Variants in SEC31B observed in about 807,000 individuals in gnomAD.
The protein encoded by SEC31B is SEC31 homolog B, COPII component, also known as protein transport protein Sec31B.
SEC31B carries 113 observed loss-of-function variants against 135.0 expected under a neutral mutation model. The observed-to-expected ratio is 0.84, with a 90% CI of 0.72 to 0.98. The LOEUF (loss-of-function observed/expected upper bound fraction) is 0.98, where lower values mean the gene tolerates loss of function less well. Ranked by LOEUF, SEC31B falls within the 50% of genes least tolerant of loss-of-function variation. SEC31B has a pLI of 0.00. For missense variants in SEC31B, 1,296 were observed against 1,421.1 expected, an observed-to-expected ratio of 0.91 and a Z score of 1.42; for synonymous variants, 508 against 549.4, an observed-to-expected ratio of 0.92 and a Z score of 1.05.
chr10:100,503,267 A>G (rs1457735623), intron 10 of SEC31B, among the ~76,000 whole-genome samples: 1 of 152,038 alleles, frequency 6.6e-6, no homozygotes, highest in Non-Finnish European at 1.5e-5. Context: ...AACCCTTTTT[A>G]CTCCAGCAGT....
intron 3 of SEC31B, among the ~76,000 whole-genome samples, chr10:100,510,133 C>G (rs1483645719): frequency 6.6e-6 from 1 of 152,232 alleles, no homozygotes; most frequent in Non-Finnish European, 1.5e-5. Flanking sequence ...TATTCCAGAG[C>G]CTGAGCTCTT....
At chr10:100,506,444 C>T in intron 7 of SEC31B, 24 bp from the exon 8 acceptor site, 2 of 1,611,250 alleles carry the variant, frequency 1.2e-6, no homozygotes, top group African/African-American at 1.3e-5. Flanking sequence ...GGAAGAGGAA[C>T]TAGCATTTGT....
chr10:100,507,815 A>G, intron 6 of SEC31B, 93 bp downstream of exon 6: 1 of 1,551,998 alleles, frequency 6.4e-7, no homozygotes, highest in Non-Finnish European at 8.9e-7. Context: ...GACAGCTGAA[A>G]GCAGGACTCT....
chr10:100,505,267 A>C, intron 10 of SEC31B, 94 bp downstream of exon 10: 1 of 1,498,360 alleles, frequency 6.7e-7, no homozygotes, highest in Non-Finnish European at 9.0e-7. Flanking sequence ...TACAAAACTT[A>C]GCTCCATGCT....
intron 11 of SEC31B, among the ~76,000 whole-genome samples, chr10:100,500,460 G>A (rs1451355428): frequency 2.6e-5 from 4 of 151,890 alleles, no homozygotes; most frequent in Admixed American, 1.3e-4. Context: ...AATTACAGGC[G>A]CCCTCAACCA....
intron 19 of SEC31B, among the ~76,000 whole-genome samples, chr10:100,494,018 G>GGAAAGGGAGGGAA (rs1554841086): frequency 2.0e-5 from 3 of 151,468 alleles, no homozygotes; most frequent in African/African-American, 7.3e-5. Flanking sequence ...AAGGGAGGGA[G>GGAAAGGGAGGGAA]GAAAGGGAGG....
intron 3 of SEC31B, among the ~76,000 whole-genome samples, chr10:100,514,556 T>TA (rs1193831818): frequency 0.011 from 1,460 of 135,170 alleles, 19 homozygotes; most frequent in African/African-American, 0.032. Context: ...CAAAGAGATG[T>TA]AAAAAAAAAA....
intron 24 of SEC31B, 61 bp downstream of exon 24, chr10:100,488,797 G>GACC: frequency 6.6e-7 from 1 of 1,512,420 alleles, no homozygotes; most frequent in African/African-American, 1.4e-5. Flanking sequence ...GTCCACAGCT[G>GACC]AGGGGTCCTG....
At chr10:100,494,236 C>T (rs1851361333) in intron 19 of SEC31B, among the ~76,000 whole-genome samples, 1 of 152,162 alleles carries the variant, frequency 6.6e-6, no homozygotes, top group Non-Finnish European at 1.5e-5. Flanking sequence ...CCCAACCACA[C>T]ACACACCTCT....
chr10:100,509,941 T>A (rs1191807654), intron 3 of SEC31B, among the ~76,000 whole-genome samples: 1 of 152,210 alleles, frequency 6.6e-6, no homozygotes, highest in African/African-American at 2.4e-5. Context: ...GTGCTCTAGG[T>A]GTATTAGCTG....
chr10:100,507,911 G>A lies in SEC31B; in HGVS notation c.636C>T (p.Asn212=). The A allele has an allele frequency of 6.2e-7, 1 of 1,614,198 alleles. No homozygotes were observed. The highest frequency in any genetic ancestry group is 8.5e-7 in the Non-Finnish European group (1 of 1,180,034). The change falls in exon 6 of 26, where the codon AAC becomes AAT. Residue 212 remains asparagine, a synonymous_variant. Coordinates refer to ENST00000370345, the MANE Select transcript of SEC31B (RefSeq NM_015490.4). The part of the protein sequence containing the change: ...EPIIKVSDHS[N]RMHCSGLAWH... Reference sequence around the variant, plus strand: ...TGTTCTGGCCTCCAATACTCACCCTGTTGCTGTGATCACTGACTTTGATGA... The same window carrying A: ...TGTTCTGGCCTCCAATACTCACCCTATTGCTGTGATCACTGACTTTGATGA...
chr10:100,506,293 C>T lies in SEC31B; in HGVS notation c.882+28G>A, dbSNP rs368998416. Reference sequence around the variant, plus strand: ...TTCTTCTACCCTCTCTCTCCCATCCCAGCATGCCCACAGAAGGGCCAGCCT... The same window carrying T: ...TTCTTCTACCCTCTCTCTCCCATCCTAGCATGCCCACAGAAGGGCCAGCCT... On this transcript the variant is annotated intron_variant, in intron 8 of 25. Coordinates refer to ENST00000370345, the MANE Select transcript of SEC31B (RefSeq NM_015490.4). 9 of 1,614,036 alleles carry T rather than the reference C, an allele frequency of 5.6e-6. No homozygotes were observed. The African/African-American group carries it at 1.2e-4, about 22-fold the overall frequency.
intron 5 of SEC31B, chr10:100,508,672 G>C: frequency 2.4e-6 from 1 of 415,792 alleles, no homozygotes. Context: ...TCTTTGCTGG[G>C]CCCAATGCCC....
chr10:100,505,304 A>G (rs1341300849), intron 10 of SEC31B, 57 bp downstream of exon 10: 22 of 1,521,680 alleles, frequency 1.4e-5, no homozygotes, highest in Admixed American at 1.9e-5. Context: ...TCACAAACAC[A>G]CACACACACA....
intron 17 of SEC31B, 54 bp from the exon 18 acceptor site, chr10:100,496,485 C>CT (rs1851411806): frequency 1.9e-6 from 3 of 1,584,916 alleles, no homozygotes; most frequent in Non-Finnish European, 1.7e-6. Flanking sequence ...ATCCTGCTCT[C>CT]TAAGTCCACG....
chr10:100,511,706 C>A (rs1316856950), intron 3 of SEC31B, among the ~76,000 whole-genome samples: 1 of 151,700 alleles, frequency 6.6e-6, no homozygotes, highest in Admixed American at 6.6e-5. Flanking sequence ...AGATTCTTTT[C>A]AAAAAAAATC....
At chr10:100,495,659 T>TTTG (rs904490114) in intron 18 of SEC31B, 113 bp from the exon 19 acceptor site, 22 of 1,084,364 alleles carry the variant, frequency 2.0e-5, no homozygotes, top group East Asian at 5.1e-5. Context: ...CCTGTGTTAT[T>TTTG]TTGTTGTTGT....
Position 100,490,791 on chromosome 10 carries a change from A to T in SEC31B, c.2565T>A (p.Gly855=), listed in dbSNP as rs995598553. 6.2e-7 allele frequency: 1 copy of T among 1,611,230 alleles called. No individual in the cohort carries two copies. The highest frequency in any genetic ancestry group is 1.3e-5 in the African/African-American group (1 of 74,886). ...LAPSHPSPYQ[G]PRTQNISDYR... ...AGTCACTTATATTCTGTGTCCTGGG[A>T]CCCTGATAAGGGCTAGGATGGGAAG... Residue 855 remains glycine, a synonymous_variant, in exon 20 of 26, where the codon GGT becomes GGA. Transcript: ENST00000370345.
rs2133668867 is a variant in SEC31B at position 100,489,772 on chromosome 10, A to G, written c.2966-11T>C. On this transcript the variant is annotated splice_polypyrimidine_tract_variant and intron_variant, in intron 21 of 25. Coordinates refer to ENST00000370345, the MANE Select transcript of SEC31B (RefSeq NM_015490.4). ...AGGAATCTTGAGGTCCTATAGAATA[A>G]AAAGATAGAGGTTTTTCGGCGCATA... The G allele has an allele frequency of 6.2e-7, 1 of 1,613,870 alleles. No individual in the cohort carries two copies. The highest frequency in any genetic ancestry group is 2.2e-5 in the East Asian group (1 of 44,856).
Sources: allele counts gnomAD v4.1 joint callset (sites outside exome capture counted in the v4.1 genomes callset), GRCh38; gene constraint gnomAD v4.1.1; transcripts MANE v1.5; gene names NCBI Gene and HGNC (gene_info 2026-07-23, HGNC 2026-07-21).